RGS3: variants seen among roughly 807,000 people sequenced by gnomAD.
RGS3 encodes regulator of G-protein signalling 3.
RGS3 carries 80 observed loss-of-function variants against 132.6 expected under a neutral mutation model. The ratio of observed to expected loss-of-function variants is 0.60; its 90% confidence interval spans 0.50 to 0.73. The LOEUF (loss-of-function observed/expected upper bound fraction) is 0.73. Among genes scored for constraint, RGS3 ranks in the 30% least tolerant of loss-of-function variants. The pLI is 0.00. For synonymous variants in RGS3, 598 were observed against 620.6 expected (o/e 0.96, Z 0.54); for missense variants, 1,382 against 1,530.8 (o/e 0.90, Z 1.62).
chr9:113,494,025 A>G (rs1282590885), intron 7 of RGS3, among the ~76,000 whole-genome samples: 1 of 152,152 alleles, frequency 6.6e-6, no homozygotes. Context: ...CTCCAGGGTT[A>G]TGCTCCAGCC....
chr9:113,508,497 C>A, intron 13 of RGS3, 44 bp from the exon 12 acceptor site: 1 of 1,611,204 alleles, frequency 6.2e-7, no homozygotes, highest in Non-Finnish European at 8.5e-7. Flanking sequence ...GCTGTCCTGC[C>A]CTGTTCCTGG....
At chr9:113,516,031 A>G (rs1266023144) in intron 15 of RGS3, among the ~76,000 whole-genome samples, 1 of 152,268 alleles carries the variant, frequency 6.6e-6, no homozygotes, top group Non-Finnish European at 1.5e-5. Context: ...GGTCATAAAC[A>G]TTTTAAAGGC....
chr9:113,586,219 C>A (rs987295884), intron 20 of RGS3, among the ~76,000 whole-genome samples: 4 of 152,228 alleles, frequency 2.6e-5, no homozygotes, highest in African/African-American at 9.6e-5. Flanking sequence ...TCAGATCAGG[C>A]CTGGCCACTC....
intron 1 of RGS3, among the ~76,000 whole-genome samples, chr9:113,447,368 G>A (rs1344677853): frequency 7.8e-5 from 2 of 25,638 alleles, no homozygotes; most frequent in East Asian, 2.5e-3. Context: ...TATAGGCAAG[G>A]GTTGAAGATA....
At chr9:113,589,459 T>C (rs1453917269) in intron 20 of RGS3, among the ~76,000 whole-genome samples, 3 of 152,078 alleles carry the variant, frequency 2.0e-5, no homozygotes, top group Admixed American at 2.0e-4. Context: ...CTTGGGTCAG[T>C]CCCTGCTGAA....
chr9:113,520,675 G>C (rs1374174853), intron 16 of RGS3, among the ~76,000 whole-genome samples: 1 of 151,708 alleles, frequency 6.6e-6, no homozygotes, highest in African/African-American at 2.4e-5. Flanking sequence ...CACGTTTTGT[G>C]GGACCCTGAG....
intron 19 of RGS3, among the ~76,000 whole-genome samples, chr9:113,560,205 C>T (rs1192104391): frequency 1.3e-5 from 2 of 152,122 alleles, no homozygotes; most frequent in Non-Finnish European, 2.9e-5. Context: ...AGGGCTGGGG[C>T]CACTGGACAA....
Position 113,537,029 on chromosome 9 carries a change from T to C in RGS3, c.2037+111T>C, listed in dbSNP as rs1832709790. ...GGCCAGCCTGAGCTTCCAACTTGGC[T>C]CTGGGCAATGAGCTCTTGGCAAGCG... On this transcript the variant is annotated intron_variant, in intron 19 of 24. Coordinates refer to ENST00000350696, the Ensembl canonical transcript of RGS3. The surrounding 1 kb of genome is among the most constrained non-coding windows in gnomAD (Gnocchi z 4.3). 1 of 1,038,370 alleles carries C rather than the reference T, an allele frequency of 9.6e-7. No individual in the cohort carries two copies. Among genetic ancestry groups the C allele is most frequent in the Non-Finnish European group, 1.4e-6 (1 of 711,900 alleles). The allele number at this position is 1,038,370 out of a possible 1,614,324, so 64.3% of individuals were successfully genotyped here.
Position 113,533,521 on chromosome 9 carries a change from G to A in RGS3, c.1915-3275G>A, listed in dbSNP as rs192434290. Among the ~76,000 whole-genome samples the A allele has an allele frequency of 4.2e-3, 633 of 152,302 alleles. 2 individuals carry two copies. Among genetic ancestry groups the A allele is most frequent in the Admixed American group, 0.011 (162 of 15,296 alleles). On this transcript the variant is annotated intron_variant, in intron 18 of 24. Transcript: ENST00000350696. The stretch of plus-strand genomic sequence containing the variant: ...GCTGGGATTGCAGGCATGAGCCACC[G>A]TGCCCAGCTGGAAAGTTCTTTTTAA...
chr9:113,533,693 C>G (rs1195561640), intron 18 of RGS3, among the ~76,000 whole-genome samples: 1 of 152,242 alleles, frequency 6.6e-6, no homozygotes, highest in African/African-American at 2.4e-5. Flanking sequence ...AGGCTCGGGC[C>G]AGGGCCAGGG....
At chr9:113,589,734 C>T (rs1333251881) in intron 20 of RGS3, among the ~76,000 whole-genome samples, 1 of 152,204 alleles carries the variant, frequency 6.6e-6, no homozygotes. Context: ...GTAACACTCA[C>T]TGGGCAATGA....
chr9:113,581,756 G>A (rs977472633), intron 19 of RGS3: 3 of 152,440 alleles, frequency 2.0e-5, no homozygotes, highest in Admixed American at 6.5e-5. Context: ...TGGGGATTTC[G>A]GATCGCTGTT....
chr9:113,479,637 A>G, intron 4 of RGS3, 96 bp downstream of exon 2: 7 of 1,103,030 alleles, frequency 6.3e-6, no homozygotes, highest in African/African-American at 6.2e-5. Flanking sequence ...CCATGGGCCA[A>G]GGCTTCTTTT....
intron 19 of RGS3, chr9:113,564,909 G>C: frequency 3.0e-6 from 3 of 995,038 alleles, no homozygotes; most frequent in Middle Eastern, 5.1e-4. Flanking sequence ...GCGTCGGGGT[G>C]GGGGTGTGAC....
chr9:113,474,784 T>TA, intron 3 of RGS3, among the ~76,000 whole-genome samples: 1 of 152,348 alleles, frequency 6.6e-6, no homozygotes, highest in African/African-American at 2.4e-5. Flanking sequence ...TGCTTCATGC[T>TA]AGCCAGGCAA....
intron 1 of RGS3, among the ~76,000 whole-genome samples, chr9:113,461,495 C>T (rs753830969): frequency 7.9e-5 from 12 of 152,106 alleles, no homozygotes; most frequent in Admixed American, 4.6e-4. Context: ...GCTTCCAGCA[C>T]GCTACTGAGT....
intron 3 of RGS3, among the ~76,000 whole-genome samples, chr9:113,471,982 A>G (rs1015927413): frequency 3.9e-5 from 6 of 152,150 alleles, no homozygotes; most frequent in Non-Finnish European, 8.8e-5. Flanking sequence ...TTGAATAGAC[A>G]TTTTTTTCCA....
rs770128690 is a variant in RGS3 at position 113,507,356 on chromosome 9, C to T, written c.1155C>T (p.Gly385=). 15 of 1,613,852 alleles carry T rather than the reference C, an allele frequency of 9.3e-6. No homozygotes were observed. The highest frequency in any genetic ancestry group is 1.6e-4 in the Middle Eastern group (1 of 6,084). Residue 385 remains glycine, a synonymous_variant, in exon 13 of 25, where the codon GGC becomes GGT. Coordinates refer to ENST00000350696, the Ensembl canonical transcript of RGS3. The surrounding 1 kb of genome is among the most constrained non-coding windows in gnomAD (Gnocchi z 5.0). ...CCCAGGTCAAGCCAGGACCAGATGG[C>T]GGGGTCCTGCGGCGGGCCTCCTGCA...
At chr9:113,548,379 G>A (rs1310120438) in intron 19 of RGS3, among the ~76,000 whole-genome samples, 1 of 152,230 alleles carries the variant, frequency 6.6e-6, no homozygotes, top group African/African-American at 2.4e-5. Context: ...GTGGGGAGAG[G>A]TTGTCTAGTC....
Sources: gnomAD v4.1 joint callset for allele counts (sites outside exome capture counted in the v4.1 genomes callset) on GRCh38, gnomAD v4.1.1 for gene constraint, Gnocchi (gnomAD v3.1) non-coding constraint, MANE v1.5 for transcripts, NCBI Gene and HGNC (gene_info 2026-07-23, HGNC 2026-07-21) for gene names.